Variants in RNF24 observed in about 807,000 individuals in gnomAD.
The protein encoded by RNF24 is ring finger protein 24.
RNF24 carries 14 observed loss-of-function variants against 20.0 expected under a neutral mutation model. The observed-to-expected ratio is 0.70, with a 90% CI of 0.46 to 1.10. The LOEUF is 1.10. Among genes scored for constraint, RNF24 ranks in the 50% least tolerant of loss-of-function variants. RNF24 has a pLI of 0.00. For synonymous variants in RNF24, 45 were observed against 61.1 expected, an observed-to-expected ratio of 0.74 and a Z score of 1.23; for missense variants, 124 against 177.6, an observed-to-expected ratio of 0.70 and a Z score of 1.71.
In RNF24 at chr20:4,007,184, C is replaced by A. The variant is rs375078363; in HGVS notation, c.-8+8253G>T. 4.6e-5 allele frequency among the ~76,000 whole-genome samples: 7 copies of A among 152,236 alleles called. No homozygotes were observed. In the East Asian group the frequency reaches 5.8e-4, roughly 13 times the overall value. On this transcript the variant is annotated intron_variant, in intron 1 of 5. Coordinates refer to ENST00000358395, the MANE Select transcript of RNF24 (RefSeq NM_001134337.3). ...TTTGTATTTTAAAATCTAAAATATT[C>A]CCATGATTATTAAGCAAACTTTCAA...
At chr20:3,942,938 T>G (rs1282471330) in intron 4 of RNF24, among the ~76,000 whole-genome samples, 1 of 151,946 alleles carries the variant, frequency 6.6e-6, no homozygotes. Flanking sequence ...ACCTTAGCCT[T>G]CCGAGTAGCT....
intron 1 of RNF24, among the ~76,000 whole-genome samples, chr20:4,000,534 A>G (rs1402170232): frequency 6.6e-6 from 1 of 152,168 alleles, no homozygotes; most frequent in Non-Finnish European, 1.5e-5. Flanking sequence ...TCAAAAAAAA[A>G]AATTATATTA....
At chr20:3,993,166 T>G (rs1410394059) in intron 1 of RNF24, among the ~76,000 whole-genome samples, 3 of 152,204 alleles carry the variant, frequency 2.0e-5, no homozygotes, top group Non-Finnish European at 4.4e-5. Flanking sequence ...TATTTAATCC[T>G]TATAATCACT....
chr20:3,993,415 G>A (rs1980614442), intron 1 of RNF24, among the ~76,000 whole-genome samples: 1 of 152,032 alleles, frequency 6.6e-6, no homozygotes, highest in Non-Finnish European at 1.5e-5. Flanking sequence ...AGCCTCCCGA[G>A]TAGCTGGATT....
intron 1 of RNF24, among the ~76,000 whole-genome samples, chr20:3,973,868 G>C (rs1173790778): frequency 6.6e-6 from 1 of 152,060 alleles, no homozygotes; most frequent in African/African-American, 2.4e-5. Flanking sequence ...GAATGGGAGG[G>C]AACATTTCTC....
At chr20:4,009,921 G>A (rs1438039069) in intron 1 of RNF24, among the ~76,000 whole-genome samples, 1 of 152,056 alleles carries the variant, frequency 6.6e-6, no homozygotes, top group African/African-American at 2.4e-5. Context: ...CATGGTGGCG[G>A]GCACCTGTAA....
At chr20:3,984,836 A>T (rs933434314) in intron 1 of RNF24, among the ~76,000 whole-genome samples, 4 of 151,548 alleles carry the variant, frequency 2.6e-5, no homozygotes, top group Non-Finnish European at 5.9e-5. Flanking sequence ...ACACCAGAAG[A>T]CTTCTTTCCA....
chr20:4,002,220 C>T (rs545750948), intron 1 of RNF24, among the ~76,000 whole-genome samples: 2 of 152,026 alleles, frequency 1.3e-5, no homozygotes, highest in South Asian at 2.1e-4. Flanking sequence ...CCCGTCTCTA[C>T]TAAAAATATA....
intron 1 of RNF24, among the ~76,000 whole-genome samples, chr20:3,969,564 A>T (rs922733473): frequency 2.0e-5 from 3 of 151,958 alleles, no homozygotes; most frequent in African/African-American, 7.2e-5. Flanking sequence ...TGACAAAAGG[A>T]GTAGTTAACA....
At chr20:3,937,399 G>T (rs1039096837) in intron 4 of RNF24, among the ~76,000 whole-genome samples, 1 of 152,102 alleles carries the variant, frequency 6.6e-6, no homozygotes, top group Admixed American at 6.6e-5. Context: ...CAATGAGATT[G>T]TTTCTCCAGT....
At chr20:3,936,986 G>A (rs1196496121) in intron 4 of RNF24, among the ~76,000 whole-genome samples, 1 of 152,080 alleles carries the variant, frequency 6.6e-6, no homozygotes, top group African/African-American at 2.4e-5. Context: ...ACAGGTGCAT[G>A]CCAACCATAC....
intron 1 of RNF24, among the ~76,000 whole-genome samples, chr20:3,978,616 C>T (rs937944015): frequency 2.0e-5 from 3 of 151,464 alleles, no homozygotes; most frequent in African/African-American, 4.9e-5. Flanking sequence ...TTTTTAAATG[C>T]GGGATGCAAT....
intron 4 of RNF24, among the ~76,000 whole-genome samples, chr20:3,939,697 T>C (rs2090932786): frequency 6.6e-6 from 1 of 152,214 alleles, no homozygotes; most frequent in Admixed American, 6.5e-5. Flanking sequence ...TACATTTCCA[T>C]GGGAATTTCA....
chr20:3,963,283 C>T (rs2091222628), intron 2 of RNF24, among the ~76,000 whole-genome samples: 1 of 152,222 alleles, frequency 6.6e-6, no homozygotes, highest in Non-Finnish European at 1.5e-5. Context: ...ACCTCCACCT[C>T]CTGGGTTCCA....
intron 1 of RNF24, among the ~76,000 whole-genome samples, chr20:3,972,551 A>G (rs926830450): frequency 3.3e-5 from 5 of 152,252 alleles, no homozygotes; most frequent in African/African-American, 1.2e-4. Flanking sequence ...TAAATAATCT[A>G]TAAGTCAAAA....
intron 1 of RNF24, among the ~76,000 whole-genome samples, chr20:4,004,097 C>T (rs1981649262): frequency 6.6e-6 from 1 of 152,202 alleles, no homozygotes; most frequent in Admixed American, 6.5e-5. Context: ...TAGTCAAATG[C>T]ATTAGTTATC....
intron 1 of RNF24, among the ~76,000 whole-genome samples, chr20:3,980,250 C>T (rs1244177595): frequency 6.6e-6 from 1 of 152,250 alleles, no homozygotes; most frequent in East Asian, 1.9e-4. Flanking sequence ...GCTAAACTTG[C>T]ATAGATAAGT....
At chr20:3,937,827 T>C (rs2090909560) in intron 4 of RNF24, among the ~76,000 whole-genome samples, 1 of 152,238 alleles carries the variant, frequency 6.6e-6, no homozygotes, top group Non-Finnish European at 1.5e-5. Context: ...CCACTGTATG[T>C]ATGTACCGCA....
intron 2 of RNF24, 115 bp downstream of exon 2, chr20:3,963,760 A>AT: frequency 1.3e-6 from 1 of 772,132 alleles, no homozygotes; most frequent in Non-Finnish European, 2.0e-6. Flanking sequence ...AGCCATCTTA[A>AT]TTTTTTAAAA....
Sources: allele counts gnomAD v4.1 joint callset (sites outside exome capture counted in the v4.1 genomes callset), GRCh38; gene constraint gnomAD v4.1.1; transcripts MANE v1.5; gene names NCBI Gene and HGNC (gene_info 2026-07-23, HGNC 2026-07-21).